SPATA21: variants seen among roughly 807,000 people sequenced by gnomAD.
The protein encoded by SPATA21 is spermatogenesis associated 21, also known as spermatogenesis-associated protein 21.
Under a neutral mutation model 54.8 loss-of-function variants are expected in SPATA21, and 47 were observed. That is an observed-to-expected ratio of 0.86 (90% confidence interval 0.68 to 1.09). The LOEUF is 1.09. SPATA21 is among the 50% of genes least tolerant of loss of function. The pLI is 0.00. For missense variants in SPATA21, 599 were observed against 596.4 expected (o/e 1.00, Z -0.05); for synonymous variants, 245 against 235.3 (o/e 1.04, Z -0.38).
At chr1:16,432,168 C>G (rs1440542436) in intron 2 of SPATA21, among the ~76,000 whole-genome samples, 1 of 146,520 alleles carries the variant, frequency 6.8e-6, no homozygotes, top group African/African-American at 2.6e-5. Context: ...GTTGCCCAGG[C>G]TGGAGTGCAG....
In SPATA21 at chr1:16,428,977, C is replaced by A. The variant is rs1486662034; in HGVS notation, c.34+2361G>T. On this transcript the variant is annotated intron_variant, in intron 3 of 12. Coordinates refer to ENST00000335496, the MANE Select transcript of SPATA21 (RefSeq NM_198546.1). The surrounding 1 kb of genome is among the most constrained non-coding windows in gnomAD (Gnocchi z 4.3). ...TGGGTAAGTGGTGGGACTGGGACCC[C>A]ATGACGGTGCTTGTTGAAAAAATAA... is the stretch of plus-strand genomic sequence containing the variant. Among the ~76,000 whole-genome samples, 2 of 152,042 alleles carry A rather than the reference C, an allele frequency of 1.3e-5. No homozygotes were observed. Among genetic ancestry groups the A allele is most frequent in the South Asian group, 4.2e-4 (2 of 4,814 alleles).
At chr1:16,419,130 G>A (rs2086100153) in intron 5 of SPATA21, among the ~76,000 whole-genome samples, 1 of 152,196 alleles carries the variant, frequency 6.6e-6, no homozygotes, top group African/African-American at 2.4e-5. Context: ...CAGGCTCCTT[G>A]AGATGGCTGG....
At chr1:16,420,113 A>G (rs1489822447) in intron 5 of SPATA21, among the ~76,000 whole-genome samples, 1 of 151,964 alleles carries the variant, frequency 6.6e-6, no homozygotes, top group Non-Finnish European at 1.5e-5. Flanking sequence ...TGCTAGTGAC[A>G]TGGGAGGAGA....
At chr1:16,408,177 T>A (rs1295077858) in intron 7 of SPATA21, among the ~76,000 whole-genome samples, 4 of 152,010 alleles carry the variant, frequency 2.6e-5, no homozygotes, top group Non-Finnish European at 5.9e-5. Flanking sequence ...GCCAAGAGGG[T>A]TGCAGGCTTT....
chr1:16,400,557 G>T, intron 11 of SPATA21, 163 bp downstream of exon 11: 1 of 1,439,932 alleles, frequency 6.9e-7, no homozygotes, highest in Non-Finnish European at 9.1e-7. Context: ...GGAAAATAGT[G>T]ATTATCAGCC....
At chr1:16,437,494 A>ACT (rs2086613488), upstream of SPATA21, 1 of 151,976 alleles carries the variant, frequency 6.6e-6, no homozygotes, top group South Asian at 2.1e-4. Context: ...GGGCCAGGGT[A>ACT]CTCTCTCCCA....
chr1:16,425,032 C>T, intron 3 of SPATA21: 1 of 333,696 alleles, frequency 3.0e-6, no homozygotes, highest in Non-Finnish European at 5.9e-6. Flanking sequence ...AATTCTCCTG[C>T]CTCGGCCTCT....
intron 7 of SPATA21, chr1:16,408,729 G>C (rs1216615241): frequency 6.2e-6 from 1 of 160,982 alleles, no homozygotes; most frequent in African/African-American, 2.4e-5. Flanking sequence ...AATTAGCCGG[G>C]CGTGGTGTCA....
At chr1:16,399,648 C>T in intron 11 of SPATA21, 127 bp from the exon 12 acceptor site, 3 of 1,048,804 alleles carry the variant, frequency 2.9e-6, no homozygotes, top group South Asian at 1.7e-5. Context: ...AGTCACTTAA[C>T]CTCTCTAAGC....
At chr1:16,411,425 C>T (rs1485769329) in intron 5 of SPATA21, among the ~76,000 whole-genome samples, 2 of 151,990 alleles carry the variant, frequency 1.3e-5, no homozygotes, top group Non-Finnish European at 2.9e-5. Context: ...CCCAAATGAT[C>T]CTCCTACCTC....
At chr1:16,405,889 C>T (rs914625459) in intron 7 of SPATA21, among the ~76,000 whole-genome samples, 2 of 152,222 alleles carry the variant, frequency 1.3e-5, no homozygotes, top group African/African-American at 4.8e-5. Flanking sequence ...ACCTCTGAGC[C>T]TCAGTTTCCC....
At chr1:16,431,487 A>T in intron 2 of SPATA21, 65 bp from the exon 3 acceptor site, 2 of 1,471,214 alleles carry the variant, frequency 1.4e-6, no homozygotes, top group East Asian at 4.6e-5. Context: ...TCAGGAGCCC[A>T]CTTGGAGCCT....
downstream of SPATA21, chr1:16,397,913 C>T: frequency 2.1e-6 from 1 of 479,384 alleles, no homozygotes; most frequent in Non-Finnish European, 2.7e-6. This position sits in a 1 kb window ranked among gnomAD's most constrained non-coding sequence, Gnocchi z 5.4. Flanking sequence ...TAAGCAGAGA[C>T]TCAAGAAACC....
At chr1:16,418,494 G>A (rs774553711) in intron 5 of SPATA21, among the ~76,000 whole-genome samples, 1 of 150,666 alleles carries the variant, frequency 6.6e-6, no homozygotes, top group Non-Finnish European at 1.5e-5. Flanking sequence ...GGATGGTCTC[G>A]ATCTCCTGAC....
intron 7 of SPATA21, among the ~76,000 whole-genome samples, chr1:16,408,869 C>CAA (rs141121121): frequency 1.2e-4 from 14 of 118,148 alleles, no homozygotes; most frequent in Admixed American, 2.7e-4. Flanking sequence ...GACTCTGTCT[C>CAA]AAAAAAAAAA....
At position 16,421,261 on chromosome 1, in the gene SPATA21, T is replaced by C. The variant is rs2086162400; in HGVS notation, c.144+248A>G. ...CACCACCTGGGATGAACCCAAGGGC[T>C]CCAGAGTGTAAGAGCATTCTTGATG... On this transcript the variant is annotated intron_variant, in intron 5 of 12. Coordinates refer to ENST00000335496, the MANE Select transcript of SPATA21 (RefSeq NM_198546.1). This position sits in a 1 kb window ranked among gnomAD's most constrained non-coding sequence, Gnocchi z 5.2. Among the ~76,000 whole-genome samples, 1 of 151,948 alleles carries C rather than the reference T, an allele frequency of 6.6e-6. No homozygotes were observed. The highest frequency in any genetic ancestry group is 2.4e-5 in the African/African-American group (1 of 41,366).
chr1:16,433,766 G>C (rs1338711591), intron 1 of SPATA21, among the ~76,000 whole-genome samples: 1 of 152,164 alleles, frequency 6.6e-6, no homozygotes, highest in Non-Finnish European at 1.5e-5. Context: ...GGAATCCAAG[G>C]GTAGAACTGG....
chr1:16,414,621 G>A (rs953632911), intron 5 of SPATA21, among the ~76,000 whole-genome samples: 4 of 152,050 alleles, frequency 2.6e-5, no homozygotes, highest in African/African-American at 4.8e-5. Flanking sequence ...CTGGACGGGC[G>A]CGGTGGCTCA....
chr1:16,409,059 AC>A lies in SPATA21; in HGVS notation c.673+58del. 2 of 1,582,950 alleles carry A rather than the reference AC, an allele frequency of 1.3e-6. No individual in the cohort carries two copies. The highest frequency in any genetic ancestry group is 1.7e-6 in the Non-Finnish European group (2 of 1,153,612). ...ACCCCAGTCCGCCCTGCGCCTATAAACCCCCAAGGACCAAGGGTCCTGCCTG... is the reference window on the plus strand; with the variant it reads ...ACCCCAGTCCGCCCTGCGCCTATAAACCCCAAGGACCAAGGGTCCTGCCTG... On this transcript the variant is annotated intron_variant, in intron 7 of 12. Transcript: ENST00000335496. This position sits in a 1 kb window ranked among gnomAD's most constrained non-coding sequence, Gnocchi z 4.1.
Sources: allele counts gnomAD v4.1 joint callset (sites outside exome capture counted in the v4.1 genomes callset), GRCh38; gene constraint gnomAD v4.1.1; non-coding constraint Gnocchi (gnomAD v3.1); transcripts MANE v1.5; gene names NCBI Gene and HGNC (gene_info 2026-07-23, HGNC 2026-07-21).